The following PHF20 variants were observed in gnomAD, a reference collection of about 807,000 sequenced individuals.
PHF20 encodes the protein glioma-expressed antigen 2.
PHF20 carries 23 observed loss-of-function variants against 113.5 expected under a neutral mutation model. The ratio of observed to expected loss-of-function variants is 0.20; its 90% confidence interval spans 0.15 to 0.29. The LOEUF (loss-of-function observed/expected upper bound fraction) is 0.29, where lower values mean the gene tolerates loss of function less well. PHF20 is among the 10% of genes least tolerant of loss of function. The pLI is 1.00. For missense variants in PHF20, 943 were observed against 1,219.6 expected (o/e 0.77, Z 3.38); for synonymous variants, 434 against 457.3 (o/e 0.95, Z 0.65).
intron 15 of PHF20, among the ~76,000 whole-genome samples, chr20:35,933,597 C>G (rs1033545788): frequency 6.6e-6 from 1 of 152,086 alleles, no homozygotes; most frequent in African/African-American, 2.4e-5. Flanking sequence ...CAGTGTTTCA[C>G]CGTGTTAGCC....
chr20:35,861,784 T>C (rs905224402), intron 5 of PHF20, among the ~76,000 whole-genome samples: 1 of 152,158 alleles, frequency 6.6e-6, no homozygotes, highest in Non-Finnish European at 1.5e-5. Flanking sequence ...GCTTTCAGAA[T>C]AGTTTGGGGG....
intron 1 of PHF20, among the ~76,000 whole-genome samples, chr20:35,773,622 GCCCAAT>G (rs1240497629): frequency 6.6e-6 from 1 of 152,080 alleles, no homozygotes; most frequent in Non-Finnish European, 1.5e-5. Flanking sequence ...CTCTTGGCTT[GCCCAAT>G]CCCCAAACAT....
At position 35,847,422 on chromosome 20, in the gene PHF20, G is replaced by A. The variant is rs2042643892; in HGVS notation, c.328G>A (p.Val110Ile). 2 of 1,608,852 alleles carry A rather than the reference G, an allele frequency of 1.2e-6. No homozygotes were observed. The highest frequency in any genetic ancestry group is 2.7e-5 in the African/African-American group (2 of 74,620). ...TTTTTACCCGGCCAAAGTCACTGCT[G>A]TTAACAAGGATGGTAAGGCATTTGA... is the stretch of plus-strand genomic sequence containing the variant. Reference protein sequence around the residue: ...CRFYPAKVTAVNKDGTYTVKF... With the variant: ...CRFYPAKVTAINKDGTYTVKF... The change falls in exon 4 of 18, where the codon GTT becomes ATT. Residue 110 changes from valine (V) to isoleucine (I), a missense_variant. Val to Ile is a conservative substitution (Grantham distance 29). Coordinates refer to ENST00000374012, the MANE Select transcript of PHF20 (RefSeq NM_016436.5).
intron 1 of PHF20, among the ~76,000 whole-genome samples, chr20:35,791,515 T>A (rs2041553126): frequency 1.4e-5 from 2 of 145,886 alleles, no homozygotes; most frequent in Admixed American, 6.9e-5. Flanking sequence ...GAATAGTATA[T>A]ACATATATAT....
At chr20:35,933,005 G>T (rs1235833196) in intron 15 of PHF20, among the ~76,000 whole-genome samples, 1 of 151,846 alleles carries the variant, frequency 6.6e-6, no homozygotes, top group Non-Finnish European at 1.5e-5. Flanking sequence ...GTTCATCCGT[G>T]TTATAGCATA....
intron 4 of PHF20, among the ~76,000 whole-genome samples, chr20:35,852,742 G>A (rs1159449450): frequency 1.3e-5 from 2 of 151,744 alleles, no homozygotes; most frequent in African/African-American, 4.8e-5. Context: ...GGGATTACAG[G>A]TGTGTGCCAC....
intron 4 of PHF20, among the ~76,000 whole-genome samples, chr20:35,848,123 G>C (rs901796989): frequency 6.6e-6 from 1 of 152,186 alleles, no homozygotes; most frequent in Admixed American, 6.6e-5. Context: ...TGAGTGTTTA[G>C]GGAAGTCAGG....
intron 1 of PHF20, among the ~76,000 whole-genome samples, chr20:35,780,849 C>CTT (rs61173937): frequency 0.018 from 1,738 of 98,156 alleles, 85 homozygotes; most frequent in African/African-American, 0.054. Flanking sequence ...GTGCCTGGCC[C>CTT]TTTTTTTTTT....
chr20:35,836,060 G>C (rs1018790754), intron 2 of PHF20, among the ~76,000 whole-genome samples: 8 of 152,328 alleles, frequency 5.3e-5, no homozygotes, highest in Non-Finnish European at 1.0e-4. Context: ...CCAGAGTAGA[G>C]TGCAGTGGCA....
intron 9 of PHF20, among the ~76,000 whole-genome samples, chr20:35,881,495 A>C (rs1267403105): frequency 2.7e-5 from 4 of 150,222 alleles, no homozygotes; most frequent in Non-Finnish European, 5.9e-5. Flanking sequence ...GAGCTGAGAT[A>C]GCACCACTGC....
At chr20:35,800,096 C>T (rs767329399) in intron 1 of PHF20, 9 of 151,914 alleles carry the variant, frequency 5.9e-5, no homozygotes, top group African/African-American at 1.9e-4. Context: ...CATTGCAGCA[C>T]GAGTACACGA....
chr20:35,871,942 A>G (rs2054430721), intron 9 of PHF20, 113 bp downstream of exon 9: 1 of 702,664 alleles, frequency 1.4e-6, no homozygotes, highest in African/African-American at 1.8e-5. Context: ...TTTTATTAAT[A>G]TTCCCTTATC....
At chr20:35,927,099 C>T (rs374063448) in intron 13 of PHF20, among the ~76,000 whole-genome samples, 1 of 152,150 alleles carries the variant, frequency 6.6e-6, no homozygotes, top group Non-Finnish European at 1.5e-5. Context: ...CCCCTGTCCC[C>T]TCAATACTCA....
intron 15 of PHF20, among the ~76,000 whole-genome samples, chr20:35,931,656 T>C (rs2055756545): frequency 6.6e-6 from 1 of 152,168 alleles, no homozygotes; most frequent in East Asian, 1.9e-4. Flanking sequence ...TTCATCCACT[T>C]TAAGAGTTCA....
intron 2 of PHF20, 86 bp downstream of exon 2, chr20:35,801,691 G>A: frequency 1.2e-6 from 1 of 820,884 alleles, no homozygotes; most frequent in Non-Finnish European, 2.0e-6. Context: ...GGCTTTTTTT[G>A]TGGTGTTTTT....
chr20:35,796,032 A>C (rs777433766), intron 1 of PHF20, among the ~76,000 whole-genome samples: 4 of 151,936 alleles, frequency 2.6e-5, no homozygotes, highest in Non-Finnish European at 5.9e-5. Context: ...TGTATTTTTT[A>C]GTGGAGACGG....
At chr20:35,879,904 G>A (rs571080312) in intron 9 of PHF20, among the ~76,000 whole-genome samples, 19 of 152,060 alleles carry the variant, frequency 1.2e-4, no homozygotes, top group South Asian at 4.2e-4. Context: ...TGGGAGAATC[G>A]ATTGAGCCCA....
intron 10 of PHF20, among the ~76,000 whole-genome samples, chr20:35,907,217 T>G (rs1276983770): frequency 6.6e-6 from 1 of 152,136 alleles, no homozygotes; most frequent in African/African-American, 2.4e-5. Context: ...TCTGCTCTCA[T>G]AAATCAGTGA....
intron 13 of PHF20, among the ~76,000 whole-genome samples, chr20:35,927,133 T>C (rs1021607417): frequency 3.3e-5 from 5 of 152,164 alleles, no homozygotes; most frequent in Admixed American, 1.3e-4. Flanking sequence ...AGCCTTGGGT[T>C]GAAAGAACTG....
Sources: gnomAD v4.1 joint callset for allele counts (sites outside exome capture counted in the v4.1 genomes callset) on GRCh38, gnomAD v4.1.1 for gene constraint, MANE v1.5 for transcripts, NCBI Gene and HGNC (gene_info 2026-07-23, HGNC 2026-07-21) for gene names.